The following SV2B variants were observed in gnomAD, a reference collection of about 807,000 sequenced individuals.
The protein encoded by SV2B is synaptic vesicle glycoprotein 2B.
Under a neutral mutation model 73.9 loss-of-function variants are expected in SV2B, and 41 were observed. The ratio of observed to expected loss-of-function variants is 0.56; its 90% CI spans 0.43 to 0.72. SV2B has a LOEUF of 0.72. Ranked by LOEUF, SV2B falls within the 30% of genes least tolerant of loss-of-function variation. SV2B has a pLI of 0.00. For missense variants in SV2B, 764 were observed against 857.8 expected, an observed-to-expected ratio of 0.89 and a Z score of 1.37; for synonymous variants, 314 against 314.2, an observed-to-expected ratio of 1.00 and a Z score of 0.01.
intron 9 of SV2B, among the ~76,000 whole-genome samples, chr15:91,276,619 A>G (rs1211080743): frequency 6.6e-6 from 1 of 151,828 alleles, no homozygotes; most frequent in Non-Finnish European, 1.5e-5. Context: ...GACATTCTTA[A>G]TATCTGTTAC....
chr15:91,183,648 A>G (rs189240549), intron 1 of SV2B, among the ~76,000 whole-genome samples: 1 of 152,324 alleles, frequency 6.6e-6, no homozygotes, highest in East Asian at 1.9e-4. Context: ...AATTGGTTTT[A>G]TTGAGCTTCA....
At position 91,137,389 on chromosome 15, in the gene SV2B, A is replaced by C. The variant is rs2042863258; in HGVS notation, c.-392+37026A>C. ...TCAAAGCGTTTACCACAAAGCTATT[A>C]TTTATTTTTAACTTATAATTATATT... On this transcript the variant is annotated intron_variant, in intron 1 of 12. Transcript: ENST00000394232. The surrounding 1 kb of genome is among the most constrained non-coding windows in gnomAD (Gnocchi z 4.9). Among the ~76,000 whole-genome samples the C allele has an allele frequency of 6.6e-6, 1 of 151,970 alleles. No homozygotes were observed. The highest frequency in any genetic ancestry group is 6.6e-5 in the Admixed American group (1 of 15,240).
chr15:91,266,522 A>C, intron 6 of SV2B, 60 bp from the exon 7 acceptor site: 1 of 1,322,276 alleles, frequency 7.6e-7, no homozygotes. Flanking sequence ...TAAACTACAC[A>C]TTGAAAACTC....
intron 1 of SV2B, among the ~76,000 whole-genome samples, chr15:91,178,759 TG>T (rs1193282176): frequency 6.7e-6 from 1 of 149,838 alleles, no homozygotes; most frequent in Non-Finnish European, 1.5e-5. Flanking sequence ...CATTTTTTAT[TG>T]TGTCTATTTG....
intron 9 of SV2B, among the ~76,000 whole-genome samples, chr15:91,274,929 C>T (rs1380687584): frequency 6.6e-6 from 1 of 152,098 alleles, no homozygotes; most frequent in African/African-American, 2.4e-5. Context: ...TCTAAGTTTA[C>T]TATCTGATAT....
rs184016686 is a variant in SV2B, at chr15:91,225,899, T to G, written c.-365T>G. ...GCATAACCTTCGGTGGCAGGACAAA[T>G]CAGGCCAGCACGCAGTCTGCCAAGT... is the stretch of plus-strand genomic sequence containing the variant. On this transcript the variant is annotated 5_prime_UTR_variant, in exon 2 of 13. Transcript: ENST00000394232. The G allele has an allele frequency of 3.8e-6, 1 of 263,572 alleles. No individual in the cohort carries two copies. The highest frequency in any genetic ancestry group is 1.3e-4 in the East Asian group (1 of 7,874). The allele number at this position is 263,572 out of a possible 1,614,324, so 16.3% of individuals were successfully genotyped here. A position where few individuals can be genotyped will look rare whatever the true frequency, so the allele number is the denominator to read the frequency against.
intron 1 of SV2B, among the ~76,000 whole-genome samples, chr15:91,179,502 T>C (rs1356041874): frequency 4.6e-5 from 7 of 152,064 alleles, no homozygotes; most frequent in East Asian, 1.9e-4. Flanking sequence ...CTGTTAAAGT[T>C]TCCCATTATT....
At chr15:91,147,223 G>A (rs1468127881) in intron 1 of SV2B, among the ~76,000 whole-genome samples, 1 of 152,256 alleles carries the variant, frequency 6.6e-6, no homozygotes, top group Admixed American at 6.5e-5. Flanking sequence ...TCTCAACCAT[G>A]TTGGCAGAGT....
chr15:91,206,665 T>TG (rs1381811496), intron 1 of SV2B, among the ~76,000 whole-genome samples: 1 of 151,988 alleles, frequency 6.6e-6, no homozygotes, highest in Non-Finnish European at 1.5e-5. Flanking sequence ...GGGTTTGGGG[T>TG]GGGTGTCCAT....
chr15:91,146,130 T>A (rs2043139687), intron 1 of SV2B, among the ~76,000 whole-genome samples: 3 of 152,244 alleles, frequency 2.0e-5, no homozygotes. Flanking sequence ...TACATTTACA[T>A]CTTTAATACA....
chr15:91,212,766 A>T (rs1189219458), intron 1 of SV2B, among the ~76,000 whole-genome samples: 1 of 151,666 alleles, frequency 6.6e-6, no homozygotes, highest in Non-Finnish European at 1.5e-5. Flanking sequence ...CCAGCCTGGG[A>T]AACACAGTGA....
Position 91,258,940 on chromosome 15 carries a change from A to G in SV2B, c.918+386A>G, listed in dbSNP as rs1464490067. 6.6e-6 allele frequency among the ~76,000 whole-genome samples: 1 copy of G among 151,188 alleles called. No individual in the cohort carries two copies. Among genetic ancestry groups the G allele is most frequent in the African/African-American group, 2.4e-5 (1 of 40,976 alleles). ...CATCTCTACAAAAAAAAAAAAAAAA[A>G]AATTAGTTGAGCGATTTGGTGCGTG... On this transcript the variant is annotated intron_variant, in intron 5 of 12. Coordinates refer to ENST00000394232, the MANE Select transcript of SV2B (RefSeq NM_001323032.3). This position sits in a 1 kb window ranked among gnomAD's most constrained non-coding sequence, Gnocchi z 4.7.
At chr15:91,125,871 TC>T (rs1210053690) in intron 1 of SV2B, among the ~76,000 whole-genome samples, 10 of 148,182 alleles carry the variant, frequency 6.7e-5, no homozygotes, top group African/African-American at 1.2e-4. Context: ...GAGAAAAGGG[TC>T]CCCAACCCTA....
intron 1 of SV2B, among the ~76,000 whole-genome samples, chr15:91,114,183 C>CAAAA (rs11372573): frequency 1.3e-4 from 7 of 55,960 alleles, no homozygotes; most frequent in African/African-American, 4.0e-4. Context: ...GACTCCATCT[C>CAAAA]AAAAAAAAAA....
intron 1 of SV2B, among the ~76,000 whole-genome samples, chr15:91,111,045 T>G (rs2042021433): frequency 6.6e-6 from 1 of 151,780 alleles, no homozygotes; most frequent in Admixed American, 6.6e-5. Flanking sequence ...GGATAAGGTC[T>G]TTTTTTTGGT....
At chr15:91,175,960 A>G (rs2044290166) in intron 1 of SV2B, among the ~76,000 whole-genome samples, 1 of 151,860 alleles carries the variant, frequency 6.6e-6, no homozygotes, top group Admixed American at 6.6e-5. Context: ...ACATATGTAT[A>G]CATGTGCCAT....
At chr15:91,099,744 C>A (rs375057616), upstream of SV2B, among the ~76,000 whole-genome samples, 3 of 152,318 alleles carry the variant, frequency 2.0e-5, no homozygotes, top group African/African-American at 7.2e-5. Flanking sequence ...AGTCGAACAG[C>A]ACCATGATCG....
In SV2B at chr15:91,268,129, A is replaced by T. The variant is rs2048168991; in HGVS notation, c.1209-312A>T. 6.6e-6 allele frequency among the ~76,000 whole-genome samples: 1 copy of T among 152,172 alleles called. No homozygotes were observed. Among genetic ancestry groups the T allele is most frequent in the South Asian group, 2.1e-4 (1 of 4,822 alleles). ...GTGGGGATGTCTTTAGTGTTTCCCTATTCACTAAGATTCTGGCTGAGACAT... is the reference window on the plus strand; with the variant it reads ...GTGGGGATGTCTTTAGTGTTTCCCTTTTCACTAAGATTCTGGCTGAGACAT... On this transcript the variant is annotated intron_variant, in intron 8 of 12. Coordinates refer to ENST00000394232, the MANE Select transcript of SV2B (RefSeq NM_001323032.3). This position sits in a 1 kb window ranked among gnomAD's most constrained non-coding sequence, Gnocchi z 4.4.
rs541835622 is a variant in SV2B at position 91,214,784 on chromosome 15, G to GT, written c.-391-11089_-391-11088insT. 2.5e-4 allele frequency among the ~76,000 whole-genome samples: 38 copies of GT among 152,320 alleles called. No individual in the cohort carries two copies. In the South Asian group the frequency reaches 7.5e-3, roughly 30 times the overall value. ...ATTTAAGTGTTCCCCAAACAGTTGT[G>GT]GGGGGTGTGCTTGACTCCTTAGTCC... On this transcript the variant is annotated intron_variant, in intron 1 of 12. Coordinates refer to ENST00000394232, the MANE Select transcript of SV2B (RefSeq NM_001323032.3). This position sits in a 1 kb window ranked among gnomAD's most constrained non-coding sequence, Gnocchi z 4.7.
Sources: gnomAD v4.1 joint callset for allele counts (sites outside exome capture counted in the v4.1 genomes callset) on GRCh38, gnomAD v4.1.1 for gene constraint, Gnocchi (gnomAD v3.1) non-coding constraint, MANE v1.5 for transcripts, NCBI Gene and HGNC (gene_info 2026-07-23, HGNC 2026-07-21) for gene names.